NPEPPS: variants seen among roughly 807,000 people sequenced by gnomAD.
NPEPPS encodes aminopeptidase puromycin sensitive, also known as puromycin-sensitive aminopeptidase.
NPEPPS carries 14 observed loss-of-function variants against 115.5 expected under a neutral mutation model. That is an observed-to-expected ratio of 0.12 (90% CI 0.08 to 0.19). NPEPPS has a LOEUF of 0.19. Among genes scored for constraint, NPEPPS ranks in the 10% least tolerant of loss-of-function variants. NPEPPS has a pLI of 1.00. For synonymous variants in NPEPPS, 285 were observed against 390.6 expected, an observed-to-expected ratio of 0.73 and a Z score of 3.19; for missense variants, 523 against 1,110.8, an observed-to-expected ratio of 0.47 and a Z score of 7.52.
At chr17:47,590,290 G>A (rs1382716185) in intron 9 of NPEPPS, among the ~76,000 whole-genome samples, 1 of 152,048 alleles carries the variant, frequency 6.6e-6, no homozygotes, top group Non-Finnish European at 1.5e-5. Flanking sequence ...TTGGGAGGCC[G>A]AGGCAGGTGG....
chr17:47,611,148 G>A (rs942018219), intron 17 of NPEPPS, among the ~76,000 whole-genome samples: 2 of 151,800 alleles, frequency 1.3e-5, no homozygotes, highest in South Asian at 2.1e-4. Context: ...CACCGCGCCC[G>A]TCCTTTTGTT....
At chr17:47,584,862 G>T (rs1372336578) in intron 5 of NPEPPS, among the ~76,000 whole-genome samples, 1 of 151,998 alleles carries the variant, frequency 6.6e-6, no homozygotes, top group Admixed American at 6.6e-5. Context: ...GAGTCTCGCT[G>T]TGTCGCCCAG....
intron 3 of NPEPPS, among the ~76,000 whole-genome samples, chr17:47,576,790 T>A (rs545859972): frequency 2.0e-5 from 3 of 152,306 alleles, no homozygotes; most frequent in African/African-American, 7.2e-5. Flanking sequence ...AAATAAGGTA[T>A]CTAATTTGAG....
At chr17:47,545,180 A>T (rs2317808) in intron 1 of NPEPPS, among the ~76,000 whole-genome samples, 7 of 151,936 alleles carry the variant, frequency 4.6e-5, no homozygotes, top group African/African-American at 1.2e-4. Flanking sequence ...AATTAAAAAA[A>T]TTTTTTTTGT....
chr17:47,540,800 A>G (rs993628323), intron 1 of NPEPPS, among the ~76,000 whole-genome samples: 6 of 152,200 alleles, frequency 3.9e-5, no homozygotes, highest in South Asian at 2.1e-4. Flanking sequence ...GAGACTTTAC[A>G]TAGATTATCC....
At chr17:47,603,797 G>A (rs1050943783) in intron 15 of NPEPPS, 118 bp from the exon 16 acceptor site, 4 of 829,860 alleles carry the variant, frequency 4.8e-6, no homozygotes, top group African/African-American at 3.4e-5. Context: ...TGGCATAGAT[G>A]GTCTTAATTG....
intron 2 of NPEPPS, among the ~76,000 whole-genome samples, chr17:47,556,843 C>T (rs1348567717): frequency 1.1e-4 from 16 of 152,216 alleles, no homozygotes; most frequent in Non-Finnish European, 2.9e-5. Context: ...GGGGTTTCCC[C>T]ACGTTGGCCA....
At chr17:47,555,004 C>T (rs1477603405) in intron 2 of NPEPPS, among the ~76,000 whole-genome samples, 1 of 152,178 alleles carries the variant, frequency 6.6e-6, no homozygotes, top group East Asian at 1.9e-4. Context: ...TTAATATTTT[C>T]AGACCGTAGT....
At chr17:47,532,754 G>C (rs1237512419) in intron 1 of NPEPPS, among the ~76,000 whole-genome samples, 1 of 151,314 alleles carries the variant, frequency 6.6e-6, no homozygotes, top group East Asian at 1.9e-4. Flanking sequence ...GCAGTTTTTG[G>C]TGAATCATAC....
chr17:47,555,961 T>A (rs1215011699), intron 2 of NPEPPS, among the ~76,000 whole-genome samples: 5 of 151,224 alleles, frequency 3.3e-5, no homozygotes, highest in Non-Finnish European at 5.9e-5. Flanking sequence ...TCATTTTATT[T>A]ATTTGTGCCT....
At chr17:47,525,052 T>C (rs1907379819) in intron 1 of NPEPPS, among the ~76,000 whole-genome samples, 1 of 152,016 alleles carries the variant, frequency 6.6e-6, no homozygotes, top group Non-Finnish European at 1.5e-5. Flanking sequence ...CCATTCCTTC[T>C]GAAGCACCAT....
At chr17:47,554,392 G>A (rs1413262294) in intron 2 of NPEPPS, among the ~76,000 whole-genome samples, 3 of 151,630 alleles carry the variant, frequency 2.0e-5, no homozygotes, top group Non-Finnish European at 4.4e-5. Context: ...TAGAGGCAGA[G>A]TCTCTGTTGC....
intron 9 of NPEPPS, among the ~76,000 whole-genome samples, chr17:47,588,327 T>C (rs112464352): frequency 2.0e-5 from 3 of 152,178 alleles, no homozygotes; most frequent in African/African-American, 7.2e-5. Context: ...TTTGGGAGGC[T>C]GAGGCAGGTG....
chr17:47,564,426 C>T (rs1356287154), intron 2 of NPEPPS, among the ~76,000 whole-genome samples: 2 of 151,966 alleles, frequency 1.3e-5, no homozygotes, highest in African/African-American at 2.4e-5. Flanking sequence ...GGTGTGGAAA[C>T]GGAGGCTTAG....
chr17:47,622,984 C>CCCTGT lies in NPEPPS; in HGVS notation c.*1065_*1066insCTGTC. 1 of 452,096 alleles carries CCCTGT rather than the reference C, an allele frequency of 2.2e-6. No individual in the cohort carries two copies. Among genetic ancestry groups the CCCTGT allele is most frequent in the Non-Finnish European group, 4.4e-6 (1 of 225,920 alleles). 28.0% of individuals were successfully genotyped at this position (452,096 alleles called of 1,614,324 possible). ...TGGTTTAAAAAACAAAGACTGTAAGCCTGTGTGTGCCACTGTTTGCTTCAA... is the reference window on the plus strand; with the variant it reads ...TGGTTTAAAAAACAAAGACTGTAAGCCCTGTCTGTGTGTGCCACTGTTTGCTTCAA... On this transcript the variant is annotated 3_prime_UTR_variant, in exon 23 of 23. Coordinates refer to ENST00000322157, the MANE Select transcript of NPEPPS (RefSeq NM_006310.4).
intron 1 of NPEPPS, among the ~76,000 whole-genome samples, chr17:47,532,058 C>G (rs1056725682): frequency 1.3e-5 from 2 of 151,812 alleles, no homozygotes; most frequent in African/African-American, 4.8e-5. Flanking sequence ...CTGGCCGCCG[C>G]GTTGGAGCGA....
In NPEPPS at chr17:47,555,642, C is replaced by T. The variant is rs1242408922; in HGVS notation, c.340+9649C>T. Reference sequence around the variant, plus strand: ...GATTACAGGCACAAGCCACCGCGCCCGGCCATGTATGCTGTTCTTAAGTGT... The same window carrying T: ...GATTACAGGCACAAGCCACCGCGCCTGGCCATGTATGCTGTTCTTAAGTGT... On this transcript the variant is annotated intron_variant, in intron 2 of 22. Coordinates refer to ENST00000322157, the MANE Select transcript of NPEPPS (RefSeq NM_006310.4). Among the ~76,000 whole-genome samples, 18 of 151,906 alleles carry T rather than the reference C, an allele frequency of 1.2e-4. No homozygotes were observed. In the East Asian group the frequency reaches 1.4e-3, roughly 11 times the overall value.
At chr17:47,536,704 C>T (rs1381723565) in intron 1 of NPEPPS, among the ~76,000 whole-genome samples, 4 of 76,840 alleles carry the variant, frequency 5.2e-5, no homozygotes, top group Non-Finnish European at 6.9e-5. Flanking sequence ...TGCCTGGCTT[C>T]TTTTTTTTTT....
intron 9 of NPEPPS, among the ~76,000 whole-genome samples, chr17:47,590,146 C>G (rs761540511): frequency 6.6e-6 from 1 of 152,134 alleles, no homozygotes; most frequent in Admixed American, 6.5e-5. Flanking sequence ...CAGTAAGCTA[C>G]GATGGTGCCC....
Sources: allele counts gnomAD v4.1 joint callset (sites outside exome capture counted in the v4.1 genomes callset), GRCh38; gene constraint gnomAD v4.1.1; transcripts MANE v1.5; gene names NCBI Gene and HGNC (gene_info 2026-07-23, HGNC 2026-07-21).